COL11A1: variants seen among roughly 807,000 people sequenced by gnomAD.
COL11A1 encodes collagen alpha-1(XI) chain.
Under a neutral mutation model 265.2 loss-of-function variants are expected in COL11A1, and 74 were observed. The observed-to-expected ratio is 0.28, with a 90% CI of 0.23 to 0.34. The LOEUF is 0.34. Among genes scored for constraint, COL11A1 ranks in the 10% least tolerant of loss-of-function variants. The probability of loss-of-function intolerance (pLI) is 1.00; values close to 1 mark genes in which losing one functional copy is unlikely to be tolerated. For synonymous variants in COL11A1, 816 were observed against 727.6 expected (o/e 1.12, Z -1.96); for missense variants, 2,165 against 2,263.6 (o/e 0.96, Z 0.88).
intron 65 of COL11A1, among the ~76,000 whole-genome samples, chr1:102,881,250 A>T (rs1650204542): frequency 6.6e-6 from 1 of 152,092 alleles, no homozygotes; most frequent in Non-Finnish European, 1.5e-5. Flanking sequence ...AATTGTATGG[A>T]AATCTTTAAA....
At chr1:103,013,602 G>A (rs1247765360) in intron 13 of COL11A1, among the ~76,000 whole-genome samples, 4 of 151,636 alleles carry the variant, frequency 2.6e-5, no homozygotes, top group Non-Finnish European at 5.9e-5. Context: ...TATATTTTCA[G>A]ATTAATAGAC....
At chr1:103,102,049 C>T (rs1409208215) in intron 1 of COL11A1, among the ~76,000 whole-genome samples, 1 of 152,018 alleles carries the variant, frequency 6.6e-6, no homozygotes, top group Non-Finnish European at 1.5e-5. Flanking sequence ...AGATATTACT[C>T]ACTAAATCAC....
intron 4 of COL11A1, among the ~76,000 whole-genome samples, chr1:103,069,762 A>C (rs183667737): frequency 6.6e-6 from 1 of 151,982 alleles, no homozygotes; most frequent in African/African-American, 2.4e-5. Flanking sequence ...AAGACACCTC[A>C]CAAAACAATA....
chr1:102,964,483 G>T (rs968007795), intron 38 of COL11A1, among the ~76,000 whole-genome samples: 3 of 152,016 alleles, frequency 2.0e-5, no homozygotes, highest in Non-Finnish European at 4.4e-5. Flanking sequence ...TTGCCTCAGG[G>T]TTAACCTCTG....
Position 102,986,444 on chromosome 1 carries a change from A to T in COL11A1, c.2502+1189T>A, listed in dbSNP as rs1391315849. 3.3e-5 allele frequency among the ~76,000 whole-genome samples: 5 copies of T among 150,700 alleles called. No individual in the cohort carries two copies. The East Asian group carries it at 9.9e-4, about 30-fold the overall frequency. The stretch of plus-strand genomic sequence containing the variant: ...GGGGGGAGGGGGGAGGGATAGCATT[A>T]GGAGATATACCTAATGTAAATGAAG... On this transcript the variant is annotated intron_variant, in intron 30 of 66. Coordinates refer to ENST00000370096, the MANE Select transcript of COL11A1 (RefSeq NM_001854.4).
chr1:103,041,811 G>A (rs1668832647), intron 4 of COL11A1, among the ~76,000 whole-genome samples: 1 of 151,856 alleles, frequency 6.6e-6, no homozygotes, highest in African/African-American at 2.4e-5. Context: ...AGTAAACGAT[G>A]GAAGGCTTGC....
At chr1:103,041,030 A>G (rs1250367224) in intron 4 of COL11A1, among the ~76,000 whole-genome samples, 1 of 151,898 alleles carries the variant, frequency 6.6e-6, no homozygotes, top group South Asian at 2.1e-4. Context: ...GAATTGACAC[A>G]TAATGATTAA....
At chr1:102,983,434 A>C (rs1663229518) in intron 31 of COL11A1, among the ~76,000 whole-genome samples, 1 of 152,076 alleles carries the variant, frequency 6.6e-6, no homozygotes, top group Admixed American at 6.6e-5. Context: ...GTGGTCCCTA[A>C]ATCCAATGGC....
chr1:102,951,951 A>C (rs1246988897), intron 41 of COL11A1, among the ~76,000 whole-genome samples: 1 of 152,112 alleles, frequency 6.6e-6, no homozygotes, highest in Non-Finnish European at 1.5e-5. Flanking sequence ...CATGGCTTTT[A>C]CTTATGAAAA....
rs559394843 is a variant in COL11A1 at position 102,912,778 on chromosome 1, G to A, written c.4033-566C>T. Among the ~76,000 whole-genome samples, 5 of 152,214 alleles carry A rather than the reference G, an allele frequency of 3.3e-5. No homozygotes were observed. The East Asian group carries it at 9.7e-4, about 29-fold the overall frequency. On this transcript the variant is annotated intron_variant, in intron 53 of 66. Coordinates refer to ENST00000370096, the MANE Select transcript of COL11A1 (RefSeq NM_001854.4). ...TTACTCACATTCTGTTCTTGTGATA[G>A]TGAGTGAGTTCTCACGAGATCTGAT... is the stretch of plus-strand genomic sequence containing the variant.
chr1:103,042,903 A>G (rs1668924976), intron 4 of COL11A1, among the ~76,000 whole-genome samples: 1 of 150,042 alleles, frequency 6.7e-6, no homozygotes, highest in Non-Finnish European at 1.5e-5. Context: ...GACCTAATAT[A>G]GAAATTGGTA....
intron 42 of COL11A1, 114 bp from the exon 43 acceptor site, chr1:102,940,548 A>G: frequency 2.6e-6 from 2 of 769,138 alleles, no homozygotes; most frequent in Non-Finnish European, 4.4e-6. Context: ...TTAGAAAAAC[A>G]TTTTAAAGAA....
At chr1:103,027,426 T>C (rs1042660698) in intron 5 of COL11A1, among the ~76,000 whole-genome samples, 7 of 131,482 alleles carry the variant, frequency 5.3e-5, no homozygotes, top group Admixed American at 1.5e-4. Context: ...TATATATATA[T>C]ATATATATAT....
At chr1:103,004,556 TTTA>T (rs1665420013) in intron 19 of COL11A1, 49 bp downstream of exon 19, 3 of 1,583,130 alleles carry the variant, frequency 1.9e-6, no homozygotes, top group Non-Finnish European at 2.6e-6. Context: ...ATGATTTTGT[TTTA>T]TTATGTTTTA....
chr1:102,942,575 A>G (rs1338462058), intron 42 of COL11A1, among the ~76,000 whole-genome samples: 1 of 152,170 alleles, frequency 6.6e-6, no homozygotes, highest in African/African-American at 2.4e-5. Context: ...GTTAATAACT[A>G]AATCTTTCCT....
At chr1:102,999,545 A>G (rs1219568192) in intron 24 of COL11A1, among the ~76,000 whole-genome samples, 2 of 151,882 alleles carry the variant, frequency 1.3e-5, no homozygotes, top group African/African-American at 4.8e-5. Context: ...ATCACAATTT[A>G]TCATAGGATG....
At chr1:102,911,169 T>G (rs1654627152) in intron 54 of COL11A1, among the ~76,000 whole-genome samples, 1 of 151,980 alleles carries the variant, frequency 6.6e-6, no homozygotes, top group Non-Finnish European at 1.5e-5. Flanking sequence ...TAAAAGAAAA[T>G]GTAAGAAAAT....
chr1:103,032,877 G>C (rs938847863), intron 4 of COL11A1, among the ~76,000 whole-genome samples: 3 of 151,898 alleles, frequency 2.0e-5, no homozygotes, highest in Admixed American at 2.0e-4. Flanking sequence ...AATTATAATG[G>C]ATTTAATTAA....
chr1:102,895,007 A>AGTGT (rs35496168), intron 57 of COL11A1, among the ~76,000 whole-genome samples: 13,326 of 152,050 alleles, frequency 0.088, 685 homozygotes, highest in Middle Eastern at 0.16. Flanking sequence ...AGTGTGTGTG[A>AGTGT]GTGTGTGTGT....
Sources: gnomAD v4.1 joint callset for allele counts (sites outside exome capture counted in the v4.1 genomes callset) on GRCh38, gnomAD v4.1.1 for gene constraint, MANE v1.5 for transcripts, NCBI Gene and HGNC (gene_info 2026-07-23, HGNC 2026-07-21) for gene names.